The following CNOT9 variants were observed in gnomAD, a reference collection of about 807,000 sequenced individuals.
CNOT9 encodes RCD1 required for cell differentiation1 homolog.
In CNOT9, 8 loss-of-function variants were observed where a neutral mutation model predicts 37.4. That is an observed-to-expected ratio of 0.21 (90% CI 0.13 to 0.39). The LOEUF is 0.39. CNOT9 is among the 10% of genes least tolerant of loss of function. The pLI, the probability that CNOT9 is intolerant of heterozygous loss-of-function variation, is 1.00. For missense variants in CNOT9, 154 were observed against 365.3 expected, an observed-to-expected ratio of 0.42 and a Z score of 4.71; for synonymous variants, 120 against 137.6, an observed-to-expected ratio of 0.87 and a Z score of 0.90.
chr2:218,583,279 C>G (rs938391424), intron 3 of CNOT9, among the ~76,000 whole-genome samples, 193 bp downstream of exon 3: 9 of 68,898 alleles, frequency 1.3e-4, no homozygotes, highest in African/African-American at 3.6e-4. Context: ...CTCTCTCTCT[C>G]TCTCTCTCCT....
intron 5 of CNOT9, among the ~76,000 whole-genome samples, chr2:218,590,628 A>G (rs1694741565): frequency 6.6e-6 from 1 of 152,202 alleles, no homozygotes; most frequent in Admixed American, 6.5e-5. Context: ...TCTGGAGGAT[A>G]TAGAGGAGAG....
At chr2:218,572,913 A>G (rs994268080) in intron 1 of CNOT9, among the ~76,000 whole-genome samples, 1 of 152,108 alleles carries the variant, frequency 6.6e-6, no homozygotes, top group Non-Finnish European at 1.5e-5. Context: ...AGAACACTGC[A>G]CTCTAAAGGA....
At chr2:218,586,292 T>G (rs596076) in intron 4 of CNOT9, among the ~76,000 whole-genome samples, 70,664 of 151,960 alleles carry the variant, frequency 0.47, 19,568 homozygotes, top group East Asian at 0.78. Context: ...GATGGGACCT[T>G]TGAAAGATAA....
At chr2:218,583,191 G>A (rs928413423) in intron 3 of CNOT9, 105 bp downstream of exon 3, 4 of 468,306 alleles carry the variant, frequency 8.5e-6, no homozygotes, top group African/African-American at 3.7e-5. Context: ...GAGAGAGAAC[G>A]TTTGTGTGTG....
chr2:218,569,530 AAGAT>A (rs1388389593), intron 1 of CNOT9, among the ~76,000 whole-genome samples: 1 of 152,360 alleles, frequency 6.6e-6, no homozygotes, highest in South Asian at 2.1e-4. Flanking sequence ...ACAAAAAAGA[AAGAT>A]AGTGTAATTC....
intron 4 of CNOT9, 93 bp from the exon 5 acceptor site, chr2:218,587,493 T>C: frequency 7.4e-7 from 1 of 1,345,860 alleles, no homozygotes; most frequent in South Asian, 2.2e-5. Flanking sequence ...TTCTGTTATT[T>C]AAGTTCACAA....
chr2:218,587,720 A>T (rs1694638251), intron 5 of CNOT9, 25 bp downstream of exon 5: 1 of 1,377,890 alleles, frequency 7.3e-7, no homozygotes, highest in Non-Finnish European at 1.0e-6. Context: ...CTTAGATTTT[A>T]CATTGTGTTG....
chr2:218,585,256 A>C (rs1286435589), intron 4 of CNOT9, among the ~76,000 whole-genome samples: 1 of 151,960 alleles, frequency 6.6e-6, no homozygotes, highest in African/African-American at 2.4e-5. Flanking sequence ...TAATACCGGA[A>C]TGCTTCGTAT....
chr2:218,570,181 TC>T (rs1693938436), intron 1 of CNOT9, among the ~76,000 whole-genome samples: 1 of 152,102 alleles, frequency 6.6e-6, no homozygotes, highest in Non-Finnish European at 1.5e-5. Context: ...GGAAAGGAGA[TC>T]ATTTGATTTG....
Position 218,589,588 on chromosome 2 carries a change from C to G in CNOT9, c.540+1893C>G, listed in dbSNP as rs542238711. ...TGGGCTCAAAGGATCTTCCTGCCTT[C>G]TGCCGTAGTACTAGGAGTACAAGCA... On this transcript the variant is annotated intron_variant, in intron 5 of 7. Coordinates refer to ENST00000273064, the MANE Select transcript of CNOT9 (RefSeq NM_005444.3). Among the ~76,000 whole-genome samples the G allele has an allele frequency of 2.6e-5, 4 of 152,306 alleles. No homozygotes were observed. The South Asian group carries it at 8.3e-4, about 32-fold the overall frequency.
chr2:218,592,276 TA>T lies in CNOT9; in HGVS notation c.541-25del. On this transcript the variant is annotated intron_variant, in intron 5 of 7. Transcript: ENST00000273064. This position sits in a 1 kb window ranked among gnomAD's most constrained non-coding sequence, Gnocchi z 4.1. Reference sequence around the variant, plus strand: ...AGAAGATTAAATCTGAGCAACTTTATAAACTCTTCGATTTTGTTTTGCTTCA... The same window carrying T: ...AGAAGATTAAATCTGAGCAACTTTATAACTCTTCGATTTTGTTTTGCTTCA... 2 of 1,533,760 alleles carry T rather than the reference TA, an allele frequency of 1.3e-6. 1 individual carries two copies. The highest frequency in any genetic ancestry group is 2.7e-5 in the African/African-American group (2 of 73,258).
chr2:218,593,938 A>C (rs1694857643), intron 7 of CNOT9, 170 bp from the exon 8 acceptor site: 5 of 930,676 alleles, frequency 5.4e-6, no homozygotes, highest in Non-Finnish European at 7.7e-6. Context: ...GATTTTGGAG[A>C]TCTCTAAGCC....
At position 218,568,940 on chromosome 2, in the gene CNOT9, G is replaced by A. The variant is rs766471106; in HGVS notation, c.-15G>A. 1.6e-5 allele frequency: 25 copies of A among 1,607,160 alleles called. No homozygotes were observed. The South Asian group carries it at 2.8e-4, about 18-fold the overall frequency. On this transcript the variant is annotated 5_prime_UTR_variant, in exon 1 of 8. Transcript: ENST00000273064. Reference sequence around the variant, plus strand: ...ACGCGTCCGGCTGTGGAAGAGAGCGGCGGCCGCTCACAACATGCACAGCCT... The same window carrying A: ...ACGCGTCCGGCTGTGGAAGAGAGCGACGGCCGCTCACAACATGCACAGCCT...
At chr2:218,569,259 G>T (rs911275230) in intron 1 of CNOT9, among the ~76,000 whole-genome samples, 1 of 152,128 alleles carries the variant, frequency 6.6e-6, no homozygotes, top group Non-Finnish European at 1.5e-5. Context: ...GATTTATTGC[G>T]CTGACCAACA....
In CNOT9 at chr2:218,580,225, TC is replaced by T. The variant is rs375658837; in HGVS notation, c.25-333del. 3.1e-4 allele frequency among the ~76,000 whole-genome samples: 47 copies of T among 152,218 alleles called. 1 individual carries two copies. In the East Asian group the frequency reaches 8.1e-3, roughly 26 times the overall value. On this transcript the variant is annotated intron_variant, in intron 1 of 7. Coordinates refer to ENST00000273064, the MANE Select transcript of CNOT9 (RefSeq NM_005444.3). ...CTCAAGTGACCCACCCAACATGGCC[TC>T]CCACAGCGCTGGGATTACAGGGGTG...
At chr2:218,576,425 C>A (rs1292404778) in intron 1 of CNOT9, among the ~76,000 whole-genome samples, 1 of 152,060 alleles carries the variant, frequency 6.6e-6, no homozygotes, top group Non-Finnish European at 1.5e-5. Context: ...AATTATGCCC[C>A]ATCTGATCCA....
intron 5 of CNOT9, among the ~76,000 whole-genome samples, chr2:218,591,790 G>A (rs749674448): frequency 5.3e-5 from 8 of 151,998 alleles, no homozygotes. Context: ...TACTTCATCT[G>A]GAAGAGAGGA....
chr2:218,580,854 A>G (rs1487685367), intron 2 of CNOT9, 114 bp downstream of exon 2: 19 of 955,712 alleles, frequency 2.0e-5, no homozygotes, highest in Non-Finnish European at 1.8e-5. Flanking sequence ...AAAAAACTGC[A>G]TTTGTAAGAA....
At chr2:218,578,164 T>C (rs1035154606) in intron 1 of CNOT9, among the ~76,000 whole-genome samples, 1 of 152,226 alleles carries the variant, frequency 6.6e-6, no homozygotes, top group African/African-American at 2.4e-5. Context: ...TAAGAGCCTA[T>C]GATTGATTCC....
Sources: gnomAD v4.1 joint callset for allele counts (sites outside exome capture counted in the v4.1 genomes callset) on GRCh38, gnomAD v4.1.1 for gene constraint, Gnocchi (gnomAD v3.1) non-coding constraint, MANE v1.5 for transcripts, NCBI Gene and HGNC (gene_info 2026-07-23, HGNC 2026-07-21) for gene names.